The following TMEM135 variants were observed in gnomAD, a reference collection of about 807,000 sequenced individuals.
TMEM135 encodes peroxisomal membrane protein 52.
Under a neutral mutation model 60.3 loss-of-function variants are expected in TMEM135, and 30 were observed. That is an observed-to-expected ratio of 0.50 (90% CI 0.37 to 0.68). The LOEUF (loss-of-function observed/expected upper bound fraction) is 0.68, where lower values mean the gene tolerates loss of function less well. Ranked by LOEUF, TMEM135 falls within the 30% of genes least tolerant of loss-of-function variation. The pLI is 0.00. For synonymous variants in TMEM135, 190 were observed against 186.7 expected (o/e 1.02, Z -0.14); for missense variants, 468 against 548.8 (o/e 0.85, Z 1.47).
At chr11:87,043,722 A>AAAAC (rs144953900) in intron 1 of TMEM135, among the ~76,000 whole-genome samples, 72 of 151,936 alleles carry the variant, frequency 4.7e-4, no homozygotes, top group African/African-American at 1.4e-3. Context: ...ACTCTGTCTC[A>AAAAC]AAACAAACAA....
intron 4 of TMEM135, among the ~76,000 whole-genome samples, chr11:87,100,091 T>C (rs1363454280): frequency 6.6e-6 from 1 of 152,132 alleles, no homozygotes; most frequent in Non-Finnish European, 1.5e-5. Context: ...GAAAACTTTT[T>C]TGAGGGGGTA....
chr11:87,327,774 G>T lies in TMEM135; in HGVS notation c.*6441G>T. 4.4e-6 allele frequency: 2 copies of T among 454,020 alleles called. No individual in the cohort carries two copies. The highest frequency in any genetic ancestry group is 8.8e-6 in the Non-Finnish European group (2 of 226,764). 28.1% of individuals were successfully genotyped at this position (454,020 alleles called of 1,614,324 possible). A position where few individuals can be genotyped will look rare whatever the true frequency, so the allele number is the denominator to read the frequency against. ...GTCTGAGAACCTGGGGGTGGGATGG[G>T]GGAGTGATAGTTTTAAGTCCTGGAG... is the stretch of plus-strand genomic sequence containing the variant. On this transcript the variant is annotated 3_prime_UTR_variant, in exon 15 of 15. Transcript: ENST00000305494.
At chr11:87,117,812 T>C (rs1013433561) in intron 4 of TMEM135, among the ~76,000 whole-genome samples, 7 of 152,196 alleles carry the variant, frequency 4.6e-5, no homozygotes, top group African/African-American at 1.7e-4. Flanking sequence ...CTTAATGGCA[T>C]GTAGAATGGT....
At chr11:87,253,740 G>A (rs888029443) in intron 6 of TMEM135, among the ~76,000 whole-genome samples, 13 of 86,886 alleles carry the variant, frequency 1.5e-4, no homozygotes, top group African/African-American at 5.7e-4. Flanking sequence ...TAACCTGTTA[G>A]CATTGTTAAG....
intron 9 of TMEM135, 109 bp from the exon 10 acceptor site, chr11:87,309,396 A>T: frequency 8.9e-7 from 1 of 1,122,592 alleles, no homozygotes; most frequent in Non-Finnish European, 1.3e-6. Context: ...CTATAAACTT[A>T]GATTAAATTT....
At chr11:87,085,556 A>G (rs1857079547) in intron 3 of TMEM135, among the ~76,000 whole-genome samples, 1 of 152,130 alleles carries the variant, frequency 6.6e-6, no homozygotes, top group South Asian at 2.1e-4. Context: ...CAGGATTTCG[A>G]GACCAGCCTG....
chr11:87,064,080 A>G (rs1417906086), intron 1 of TMEM135, among the ~76,000 whole-genome samples: 1 of 152,138 alleles, frequency 6.6e-6, no homozygotes, highest in Non-Finnish European at 1.5e-5. Context: ...TATTGTCATG[A>G]GCAATATATG....
chr11:87,118,166 C>T (rs1359026921), intron 4 of TMEM135, among the ~76,000 whole-genome samples: 2 of 151,876 alleles, frequency 1.3e-5, no homozygotes, highest in Non-Finnish European at 2.9e-5. Flanking sequence ...TTTGTTGTTT[C>T]ATTTATGGAA....
At chr11:87,280,196 G>C (rs531883353) in intron 6 of TMEM135, among the ~76,000 whole-genome samples, 3 of 152,288 alleles carry the variant, frequency 2.0e-5, no homozygotes, top group Admixed American at 2.0e-4. Context: ...AAAATTCAGC[G>C]TGTAGGCTGT....
chr11:87,184,664 A>G (rs529483076), intron 5 of TMEM135, among the ~76,000 whole-genome samples: 2 of 152,220 alleles, frequency 1.3e-5, no homozygotes, highest in East Asian at 1.9e-4. Flanking sequence ...ATTGTGTTAT[A>G]TAAGAGACTC....
Position 87,324,477 on chromosome 11 carries a change from A to G in TMEM135, c.*3144A>G, listed in dbSNP as rs1040825551. On this transcript the variant is annotated 3_prime_UTR_variant, in exon 15 of 15. Transcript: ENST00000305494. ...AGCTCTGTTGCCCGGGTTGGAGTAC[A>G]GTGGTGCAATCATAGCTCATTGAAA... 8.8e-6 allele frequency: 4 copies of G among 453,984 alleles called. No individual in the cohort carries two copies. The highest frequency in any genetic ancestry group is 1.8e-5 in the Non-Finnish European group (4 of 226,760). The allele number at this position is 453,984 out of a possible 1,614,324, so 28.1% of individuals were successfully genotyped here. A position where few individuals can be genotyped will look rare whatever the true frequency, so the allele number is the denominator to read the frequency against.
At position 87,321,542 on chromosome 11, in the gene TMEM135, T is replaced by G. The variant is rs549025928; in HGVS notation, c.*209T>G. On this transcript the variant is annotated 3_prime_UTR_variant, in exon 15 of 15. Transcript: ENST00000305494. Reference sequence around the variant, plus strand: ...AATTAAGCTTCCTCCATAGCCAGAATAAGATTCTGGATCACTGTAGTGACT... The same window carrying G: ...AATTAAGCTTCCTCCATAGCCAGAAGAAGATTCTGGATCACTGTAGTGACT... 1.3e-5 allele frequency: 9 copies of G among 683,454 alleles called. No individual in the cohort carries two copies. The highest frequency in any genetic ancestry group is 2.4e-5 in the Non-Finnish European group (9 of 376,180). The allele number at this position is 683,454 out of a possible 1,614,324, so 42.3% of individuals were successfully genotyped here.
At chr11:87,299,777 A>C (rs1942411961) in intron 7 of TMEM135, among the ~76,000 whole-genome samples, 1 of 152,178 alleles carries the variant, frequency 6.6e-6, no homozygotes, top group Admixed American at 6.5e-5. Flanking sequence ...ATTTTAGGCA[A>C]ACCTTACCTA....
rs188942100 is a variant in TMEM135, at chr11:87,251,337, G to A, written c.509+14653G>A. On this transcript the variant is annotated intron_variant, in intron 6 of 14. Transcript: ENST00000305494. ...TTGAAGCATAGGCAGTAGGAAAGGA[G>A]TCAGTAAAGCAGAGGCCAGAGTAGT... 5.2e-3 allele frequency among the ~76,000 whole-genome samples: 795 copies of A among 152,258 alleles called. 2 individuals are homozygous for A. The highest frequency in any genetic ancestry group is 7.7e-3 in the Non-Finnish European group (525 of 68,010).
chr11:87,161,594 TA>T (rs1938881949), intron 5 of TMEM135, among the ~76,000 whole-genome samples: 1 of 152,198 alleles, frequency 6.6e-6, no homozygotes, highest in Admixed American at 6.5e-5. Flanking sequence ...GCTTCTTAAT[TA>T]AATCATTTAG....
intron 1 of TMEM135, among the ~76,000 whole-genome samples, chr11:87,064,620 C>T (rs1230997216): frequency 1.3e-5 from 2 of 152,200 alleles, no homozygotes; most frequent in African/African-American, 4.8e-5. Flanking sequence ...CGGTGGCTCA[C>T]GCCTGTAATC....
intron 6 of TMEM135, among the ~76,000 whole-genome samples, chr11:87,269,857 C>G (rs1398766447): frequency 1.4e-5 from 2 of 143,624 alleles, no homozygotes; most frequent in East Asian, 3.9e-4. Flanking sequence ...TGGGTATATA[C>G]CCAGTAATGG....
intron 5 of TMEM135, among the ~76,000 whole-genome samples, chr11:87,186,108 T>C (rs898456464): frequency 8.5e-5 from 13 of 152,216 alleles, no homozygotes; most frequent in Admixed American, 4.6e-4. Context: ...GGTTTCACCA[T>C]GTTGGCCAGG....
At chr11:87,123,970 T>A (rs1937648798) in intron 4 of TMEM135, among the ~76,000 whole-genome samples, 1 of 152,220 alleles carries the variant, frequency 6.6e-6, no homozygotes, top group African/African-American at 2.4e-5. Context: ...AAGATTTGAA[T>A]CTGCACCTGA....
Sources: allele counts gnomAD v4.1 joint callset (sites outside exome capture counted in the v4.1 genomes callset), GRCh38; gene constraint gnomAD v4.1.1; transcripts MANE v1.5; gene names NCBI Gene and HGNC (gene_info 2026-07-23, HGNC 2026-07-21).